CTCFL: variants seen among roughly 807,000 people sequenced by gnomAD.
CTCFL encodes CCCTC-binding factor like.
CTCFL carries 36 observed loss-of-function variants against 67.4 expected under a neutral mutation model. The observed-to-expected ratio is 0.53, with a 90% CI of 0.41 to 0.71. The LOEUF is 0.71. Ranked by LOEUF, CTCFL falls within the 30% of genes least tolerant of loss-of-function variation. The pLI, the probability that CTCFL is intolerant of heterozygous loss-of-function variation, is 0.00. For synonymous variants in CTCFL, 324 were observed against 302.3 expected, an observed-to-expected ratio of 1.07 and a Z score of -0.75; for missense variants, 786 against 835.2, an observed-to-expected ratio of 0.94 and a Z score of 0.73.
chr20:57,522,990 C>T (rs1224606832), intron 3 of CTCFL, 78 bp downstream of exon 3: 18 of 1,168,634 alleles, frequency 1.5e-5, no homozygotes, highest in Non-Finnish European at 2.0e-5. Flanking sequence ...CTTAAAACTT[C>T]AATTACCATC....
intron 1 of CTCFL, chr20:57,524,484 A>T: frequency 1.6e-6 from 2 of 1,255,756 alleles, no homozygotes; most frequent in Non-Finnish European, 2.0e-6. Context: ...GGGCCAGCAC[A>T]CATCCTGCGC....
In CTCFL at chr20:57,523,195, A is replaced by C; in HGVS notation, c.627T>G (p.Asp209Glu). The C allele has an allele frequency of 6.2e-7, 1 of 1,613,988 alleles. No homozygotes were observed. The highest frequency in any genetic ancestry group is 8.5e-7 in the Non-Finnish European group (1 of 1,180,004). The change falls in exon 3 of 11, where the codon GAT becomes GAG. Residue 209 changes from aspartate to glutamate, a missense_variant. Around this residue, in one of 3 missense-constraint regions of CTCFL, gnomAD observed 333 missense variants for 304.6 expected, o/e 1.09. Transcript: ENST00000243914. ...QLFFVETMSG[D>E]ERSDEIVLTV... ...TGAGAACAATTTCGTCACTTCTTTC[A>C]TCTCCTGACATTGTTTCCACAAAAA...
intron 8 of CTCFL, among the ~76,000 whole-genome samples, chr20:57,509,437 A>AT (rs1053925072): frequency 1.5e-4 from 23 of 151,616 alleles, no homozygotes; most frequent in African/African-American, 5.1e-4. Context: ...CTCAGTTTGT[A>AT]TTTTTTGTAG....
At chr20:57,520,749 A>G (rs1037222212) in intron 3 of CTCFL, among the ~76,000 whole-genome samples, 1 of 152,232 alleles carries the variant, frequency 6.6e-6, no homozygotes, top group South Asian at 2.1e-4. Flanking sequence ...AATACTCAAC[A>G]AACTTGGAAT....
In CTCFL at chr20:57,500,194, G is replaced by A. The variant is rs143792306; in HGVS notation, c.1841-1493C>T. ...AACTGGTGCCATCAGGCCAGGCACA[G>A]GGGCTCATGCCTGTAATCCCACCAC... is the stretch of plus-strand genomic sequence containing the variant. On this transcript the variant is annotated intron_variant, in intron 10 of 10. Coordinates refer to ENST00000243914, the MANE Select transcript of CTCFL (RefSeq NM_001386993.1). The A allele has an allele frequency of 1.9e-4, 191 of 1,001,602 alleles. 1 individual carries two copies. Among genetic ancestry groups the A allele is most frequent in the African/African-American group, 1.8e-3 (103 of 56,796 alleles). 62.0% of individuals were successfully genotyped at this position (1,001,602 alleles called of 1,614,324 possible).
At chr20:57,518,611 A>G in intron 5 of CTCFL, 147 bp downstream of exon 5, 1 of 1,529,626 alleles carries the variant, frequency 6.5e-7, no homozygotes, top group East Asian at 2.3e-5. Context: ...TTCATAAAAG[A>G]GAATGCATAT....
chr20:57,501,710 T>C (rs1243123860), intron 10 of CTCFL, among the ~76,000 whole-genome samples: 1 of 150,690 alleles, frequency 6.6e-6, no homozygotes, highest in Non-Finnish European at 1.5e-5. Flanking sequence ...CAGCTGGGAG[T>C]GGGATGACAC....
chr20:57,504,186 C>T (rs768554883), intron 9 of CTCFL, among the ~76,000 whole-genome samples: 25 of 151,858 alleles, frequency 1.6e-4, no homozygotes, highest in Non-Finnish European at 3.2e-4. Context: ...CCGTGTTAGC[C>T]AGGATGGTCT....
At chr20:57,522,682 C>A (rs2146459814) in intron 3 of CTCFL, among the ~76,000 whole-genome samples, 1 of 152,282 alleles carries the variant, frequency 6.6e-6, no homozygotes, top group South Asian at 2.1e-4. Flanking sequence ...AGAAGGCACC[C>A]TCTACGGCTT....
In CTCFL at chr20:57,523,115, G is replaced by T; in HGVS notation, c.707C>A (p.Ala236Glu). ...TGTAGATTTGGCCTTTTCAGCATCTGCTTGACCAGCTGTAGGTTGATCCTC... is the reference window on the plus strand; with the variant it reads ...TGTAGATTTGGCCTTTTCAGCATCTTCTTGACCAGCTGTAGGTTGATCCTC... ...EQEDQPTAGQ[A>E]DAEKAKSTKN... The change falls in exon 3 of 11, where the codon GCA becomes GAA. Residue 236 changes from alanine (A) to glutamate (E), a missense_variant. By Grantham distance (107) the Ala-to-Glu change is moderately radical. This residue lies in a region of CTCFL where 333 missense variants were observed against 304.6 expected (regional missense o/e 1.09). Transcript: ENST00000243914. The T allele has an allele frequency of 6.2e-7, 1 of 1,613,904 alleles. No individual in the cohort carries two copies.
chr20:57,519,276 G>A lies in CTCFL; in HGVS notation c.856C>T (p.Leu286=), dbSNP rs749055019. 6.2e-7 allele frequency: 1 copy of A among 1,614,098 alleles called. No individual in the cohort carries two copies. Among genetic ancestry groups the A allele is most frequent in the African/African-American group, 1.3e-5 (1 of 75,048 alleles). ...MKTHTSEKPH[L]CHLCLKTFRT... is the part of the protein sequence containing the mutation. ...AAGGTTTTCAGGCAGAGGTGACACA[G>A]GTGAGGCTTCTCACTGGTGTGAGTT... Residue 286 remains leucine (L), a synonymous_variant, in exon 4 of 11, where the codon CTG becomes TTG. Transcript: ENST00000243914.
rs573105424 is a variant in CTCFL, at chr20:57,514,859, C to T, written c.1181-118G>A. The T allele has an allele frequency of 8.0e-4, 827 of 1,036,336 alleles. 6 individuals carry two copies. In the African/African-American group the frequency reaches 0.01, roughly 13 times the overall value. The allele number at this position is 1,036,336 out of a possible 1,614,324, so 64.2% of individuals were successfully genotyped here. On this transcript the variant is annotated intron_variant, in intron 6 of 10. Coordinates refer to ENST00000243914, the MANE Select transcript of CTCFL (RefSeq NM_001386993.1). ...CCTCCTTTATCAACCCCCTTCTCAC[C>T]GGACAACCCCCAATTAGTATGAGAC... is the stretch of plus-strand genomic sequence containing the variant.
chr20:57,514,366 A>G (rs983695113), intron 7 of CTCFL, among the ~76,000 whole-genome samples: 2 of 152,224 alleles, frequency 1.3e-5, no homozygotes, highest in Admixed American at 6.5e-5. Flanking sequence ...TCACGTGCAT[A>G]CGGAACAGGC....
At position 57,518,760 on chromosome 20, in the gene CTCFL, C is replaced by T; in HGVS notation, c.1057G>A (p.Glu353Lys). The change falls in exon 5 of 11, where the codon GAG becomes AAG. Residue 353 changes from glutamate (E) to lysine (K), a missense_variant and splice_region_variant. Glu to Lys is a moderately conservative substitution (Grantham distance 56). Around this residue, in one of 3 missense-constraint regions of CTCFL, gnomAD observed 254 missense variants for 333.9 expected, o/e 0.76. Coordinates refer to ENST00000243914, the MANE Select transcript of CTCFL (RefSeq NM_001386993.1). ...TTCAAGTCCAAGAATGGCTTTACCT[C>T]CACACTGGCATACTTGCACATGGAA... Reference protein sequence around the residue: ...KCSMCKYASVEASKLKRHVRS... With the variant: ...KCSMCKYASVKASKLKRHVRS... 1 of 1,614,168 alleles carries T rather than the reference C, an allele frequency of 6.2e-7. No homozygotes were observed. Among genetic ancestry groups the T allele is most frequent in the Non-Finnish European group, 8.5e-7 (1 of 1,180,032 alleles).
intron 10 of CTCFL, among the ~76,000 whole-genome samples, chr20:57,503,188 C>T (rs543719102): frequency 6.6e-6 from 1 of 152,336 alleles, no homozygotes; most frequent in Admixed American, 6.5e-5. Flanking sequence ...GGCGACAGTC[C>T]AATGCGATGG....
At chr20:57,521,261 C>A (rs2069337657) in intron 3 of CTCFL, among the ~76,000 whole-genome samples, 1 of 152,148 alleles carries the variant, frequency 6.6e-6, no homozygotes, top group Admixed American at 6.5e-5. Context: ...ATTTGAATAG[C>A]CATTTTTTCC....
rs186177900 is a variant in CTCFL at position 57,520,588 on chromosome 20, C to T, written c.755-1211G>A. Among the ~76,000 whole-genome samples, 62 of 152,256 alleles carry T rather than the reference C, an allele frequency of 4.1e-4. No homozygotes were observed. In the South Asian group the frequency reaches 5.8e-3, roughly 14 times the overall value. ...AGCTTGGTGGAATTCTAACTTATTCCGGTTCCATTCTCTGCTCCCTAGCTC... is the reference window on the plus strand; with the variant it reads ...AGCTTGGTGGAATTCTAACTTATTCTGGTTCCATTCTCTGCTCCCTAGCTC... On this transcript the variant is annotated intron_variant, in intron 3 of 10. Coordinates refer to ENST00000243914, the MANE Select transcript of CTCFL (RefSeq NM_001386993.1).
At chr20:57,511,974 A>C (rs1435703263) in intron 8 of CTCFL, among the ~76,000 whole-genome samples, 1 of 152,158 alleles carries the variant, frequency 6.6e-6, no homozygotes. Context: ...TTCCTTTCTT[A>C]GTGAAAATGA....
chr20:57,507,274 CTCTG>C, intron 9 of CTCFL: 1 of 335,032 alleles, frequency 3.0e-6, no homozygotes, highest in Non-Finnish European at 5.6e-6. Flanking sequence ...TCACTGCAAC[CTCTG>C]TCTCCTGGGT....
Sources: gnomAD v4.1 joint callset for allele counts (sites outside exome capture counted in the v4.1 genomes callset) on GRCh38, gnomAD v4.1.1 for gene constraint, gnomAD v4.1.1 regional missense constraint, MANE v1.5 for transcripts, NCBI Gene and HGNC (gene_info 2026-07-23, HGNC 2026-07-21) for gene names.